The following MAGI1 variants were observed in gnomAD, a reference collection of about 807,000 sequenced individuals.
MAGI1 encodes membrane associated guanylate kinase, WW and PDZ domain containing 1, also known as membrane-associated guanylate kinase, WW and PDZ domain-containing protein 1.
MAGI1 carries 58 observed loss-of-function variants against 139.9 expected under a neutral mutation model. That is an observed-to-expected ratio of 0.41 (90% CI 0.34 to 0.52). MAGI1 has a LOEUF of 0.52. Among genes scored for constraint, MAGI1 ranks in the 20% least tolerant of loss-of-function variants. The pLI is 0.12. For missense variants in MAGI1, 1,874 were observed against 1,901.6 expected (o/e 0.99, Z 0.27); for synonymous variants, 812 against 737.9 (o/e 1.10, Z -1.63).
intron 1 of MAGI1, among the ~76,000 whole-genome samples, chr3:65,780,830 A>G (rs1458392048): frequency 6.6e-6 from 1 of 152,182 alleles, no homozygotes; most frequent in African/African-American, 2.4e-5. Flanking sequence ...GGGCAGAAGA[A>G]GGGATTTGCA....
At chr3:65,844,461 A>G (rs2058915994) in intron 1 of MAGI1, 2 of 336,656 alleles carry the variant, frequency 5.9e-6, no homozygotes, top group Non-Finnish European at 5.6e-6. Context: ...GGCATAAAAT[A>G]AATCCAAGTA....
intron 12 of MAGI1, among the ~76,000 whole-genome samples, chr3:65,425,062 C>T (rs191358769): frequency 1.4e-5 from 2 of 139,104 alleles, no homozygotes; most frequent in East Asian, 3.9e-4. Flanking sequence ...AGAGCAGGAC[C>T]CTGTATCAAG....
chr3:65,864,057 G>A lies in MAGI1; in HGVS notation c.313+173939C>T, dbSNP rs561814249. 7.2e-5 allele frequency among the ~76,000 whole-genome samples: 11 copies of A among 152,114 alleles called. No individual in the cohort carries two copies. The East Asian group carries it at 2.1e-3, about 29-fold the overall frequency. Reference sequence around the variant, plus strand: ...TCTCTTTTTTATTTGTAAATAGGGTGAGTGAATGAATAAACATTCAACAGA... The same window carrying A: ...TCTCTTTTTTATTTGTAAATAGGGTAAGTGAATGAATAAACATTCAACAGA... On this transcript the variant is annotated intron_variant, in intron 1 of 22. Transcript: ENST00000402939.
intron 2 of MAGI1, among the ~76,000 whole-genome samples, chr3:65,590,323 A>G (rs949481503): frequency 1.3e-5 from 2 of 152,176 alleles, no homozygotes; most frequent in Non-Finnish European, 2.9e-5. Context: ...CACCCAGCAT[A>G]ATATCGGGCT....
chr3:65,502,693 C>T (rs1288521607), intron 2 of MAGI1, among the ~76,000 whole-genome samples: 1 of 152,166 alleles, frequency 6.6e-6, no homozygotes, highest in Non-Finnish European at 1.5e-5. Context: ...GCATTAATTC[C>T]ATCACGAGAA....
rs1258695047 is a variant in MAGI1 at position 65,916,990 on chromosome 3, T to C, written c.313+121006A>G. On this transcript the variant is annotated intron_variant, in intron 1 of 22. Transcript: ENST00000402939. ...ACTTTGACTTCTTTAAAAATTTGTC[T>C]GGACTGCCAGGTGTTTTCTTATATT... 4.6e-5 allele frequency among the ~76,000 whole-genome samples: 7 copies of C among 152,222 alleles called. 1 individual carries two copies. The highest frequency in any genetic ancestry group is 3.3e-4 in the Admixed American group (5 of 15,284).
chr3:65,410,014 T>A (rs1473670847), intron 12 of MAGI1, among the ~76,000 whole-genome samples: 1 of 152,242 alleles, frequency 6.6e-6, no homozygotes, highest in African/African-American at 2.4e-5. Flanking sequence ...TGGTGATTCC[T>A]GATGGCTTAC....
At chr3:65,934,727 T>C (rs978408703) in intron 1 of MAGI1, among the ~76,000 whole-genome samples, 3 of 151,884 alleles carry the variant, frequency 2.0e-5, no homozygotes, top group Non-Finnish European at 4.4e-5. Flanking sequence ...TATTGGGCCA[T>C]TTAATGGTGC....
chr3:65,878,254 C>T lies in MAGI1; in HGVS notation c.313+159742G>A, dbSNP rs531492617. Among the ~76,000 whole-genome samples, 6 of 152,178 alleles carry T rather than the reference C, an allele frequency of 3.9e-5. No individual in the cohort carries two copies. The East Asian group carries it at 7.8e-4, about 20-fold the overall frequency. ...AGACTTGGCCGGGCACGGTGGCTCA[C>T]GCCTGTAATCCCATCACTTTGGGAG... On this transcript the variant is annotated intron_variant, in intron 1 of 22. Transcript: ENST00000402939.
intron 1 of MAGI1, among the ~76,000 whole-genome samples, chr3:65,765,990 G>A (rs2037438434): frequency 6.6e-6 from 1 of 152,190 alleles, no homozygotes; most frequent in African/African-American, 2.4e-5. Flanking sequence ...GGTCCCATCT[G>A]TGGCTTTCTT....
intron 1 of MAGI1, among the ~76,000 whole-genome samples, chr3:65,840,703 G>A (rs2058774082): frequency 6.6e-6 from 1 of 152,038 alleles, no homozygotes; most frequent in African/African-American, 2.4e-5. Flanking sequence ...GTGGGGGGTG[G>A]CCTAGATTCA....
At chr3:65,686,545 C>A (rs1188052228) in intron 1 of MAGI1, among the ~76,000 whole-genome samples, 1 of 152,190 alleles carries the variant, frequency 6.6e-6, no homozygotes, top group Non-Finnish European at 1.5e-5. Flanking sequence ...CCCGCCTTGG[C>A]CTCCCAAAGT....
chr3:65,425,135 A>AAAAAAAAAAAAAAC (rs1559543283), intron 12 of MAGI1, among the ~76,000 whole-genome samples: 35 of 87,742 alleles, frequency 4.0e-4, no homozygotes, highest in Non-Finnish European at 7.0e-4. Context: ...AAAAAAAACA[A>AAAAAAAAAAAAAAC]AAAAAAACAC....
At chr3:65,599,021 G>T (rs1037926981) in intron 2 of MAGI1, among the ~76,000 whole-genome samples, 1 of 152,166 alleles carries the variant, frequency 6.6e-6, no homozygotes, top group African/African-American at 2.4e-5. Context: ...TCATAATCCA[G>T]GTGCTACAGA....
chr3:65,599,834 G>GA (rs1467103213), intron 2 of MAGI1, among the ~76,000 whole-genome samples: 2 of 152,054 alleles, frequency 1.3e-5, no homozygotes, highest in African/African-American at 2.4e-5. Context: ...GGACCTGCCA[G>GA]AAAAAAGCGA....
chr3:65,816,374 A>G (rs1355540336), intron 1 of MAGI1, among the ~76,000 whole-genome samples: 1 of 152,170 alleles, frequency 6.6e-6, no homozygotes, highest in African/African-American at 2.4e-5. Context: ...GTGACTAAGG[A>G]GATGAATTTT....
intron 1 of MAGI1, among the ~76,000 whole-genome samples, chr3:66,033,986 G>A (rs907143637): frequency 5.3e-5 from 8 of 152,144 alleles, no homozygotes; most frequent in African/African-American, 1.7e-4. Flanking sequence ...GTGACTGGCA[G>A]AGCTTATTCT....
rs775311588 is a variant in MAGI1, at chr3:65,391,317, G to A, written c.2241C>T (p.His747=). 3.7e-6 allele frequency: 6 copies of A among 1,614,188 alleles called. No individual in the cohort carries two copies. In the South Asian group the frequency reaches 5.5e-5, roughly 15 times the overall value. ...GCAGGCTTCGGTGGCTGGAAACACT[G>A]TGCTGAGAACTATTCTGGCTGTCTT... The part of the protein sequence containing the change: ...ERKDSQNSSQ[H]SVSSHRSLHT... The change falls in exon 14 of 23, where the codon CAC becomes CAT. Residue 747 remains histidine, a synonymous_variant. Coordinates refer to ENST00000402939, the MANE Select transcript of MAGI1 (RefSeq NM_001033057.2).
intron 13 of MAGI1, among the ~76,000 whole-genome samples, chr3:65,395,779 T>A (rs1944346696): frequency 6.8e-6 from 1 of 147,398 alleles, no homozygotes; most frequent in Non-Finnish European, 1.5e-5. Context: ...ACGTAAGGAG[T>A]TTGGGTTTCA....
Sources: allele counts gnomAD v4.1 joint callset (sites outside exome capture counted in the v4.1 genomes callset), GRCh38; gene constraint gnomAD v4.1.1; transcripts MANE v1.5; gene names NCBI Gene and HGNC (gene_info 2026-07-23, HGNC 2026-07-21).